LRP1B: variants seen among roughly 807,000 people sequenced by gnomAD.
LRP1B encodes LDL receptor related protein 1B.
In LRP1B, 217 loss-of-function variants were observed where a neutral mutation model predicts 556.6. The observed-to-expected ratio is 0.39, with a 90% CI of 0.35 to 0.44. The LOEUF (loss-of-function observed/expected upper bound fraction) is 0.44. LRP1B is among the 20% of genes least tolerant of loss of function. The pLI, the probability that LRP1B is intolerant of heterozygous loss-of-function variation, is 1.00. For missense variants in LRP1B, 5,053 were observed against 5,620.8 expected, an observed-to-expected ratio of 0.90 and a Z score of 3.23; for synonymous variants, 2,047 against 1,865.8, an observed-to-expected ratio of 1.10 and a Z score of -2.50.
At chr2:141,869,037 A>C (rs1329677858) in intron 1 of LRP1B, among the ~76,000 whole-genome samples, 1 of 152,130 alleles carries the variant, frequency 6.6e-6, no homozygotes, top group African/African-American at 2.4e-5. Flanking sequence ...GGAGGCAAGA[A>C]AATAAGAAAT....
chr2:141,974,297 T>A (rs528005929), intron 1 of LRP1B, among the ~76,000 whole-genome samples: 1 of 152,010 alleles, frequency 6.6e-6, no homozygotes, highest in Non-Finnish European at 1.5e-5. Context: ...ATTCCATGAC[T>A]GGCTGTAGCA....
chr2:140,915,779 A>T (rs1694557140), intron 21 of LRP1B, among the ~76,000 whole-genome samples: 1 of 152,098 alleles, frequency 6.6e-6, no homozygotes, highest in African/African-American at 2.4e-5. Context: ...TAGAGTAGGC[A>T]TACAACAAAA....
In LRP1B at chr2:141,674,269, T is replaced by C. The variant is rs989338993; in HGVS notation, c.205+136010A>G. ...AATTTGAATTGGTCTCTGATGTTTA[T>C]TGAATTTTTCTAAAGCATTAAATAT... On this transcript the variant is annotated intron_variant, in intron 2 of 90. Coordinates refer to ENST00000389484, the MANE Select transcript of LRP1B (RefSeq NM_018557.3). 1.4e-4 allele frequency among the ~76,000 whole-genome samples: 22 copies of C among 152,216 alleles called. 1 individual carries two copies. In the East Asian group the frequency reaches 2.9e-3, roughly 20 times the overall value.
rs369354711 is a variant in LRP1B at position 140,297,984 on chromosome 2, A to C, written c.12806-15T>G. On this transcript the variant is annotated splice_polypyrimidine_tract_variant and intron_variant, in intron 83 of 90. Transcript: ENST00000389484. ...GGTGGGTCTCCCTATTGGAAACAATAAGTAATAAAAAGCAAATTATTCAAC... is the reference window on the plus strand; with the variant it reads ...GGTGGGTCTCCCTATTGGAAACAATCAGTAATAAAAAGCAAATTATTCAAC... The C allele has an allele frequency of 5.8e-6, 9 of 1,563,806 alleles. No homozygotes were observed. Among genetic ancestry groups the C allele is most frequent in the Non-Finnish European group, 7.8e-6 (9 of 1,147,408 alleles).
rs113633278 is a variant in LRP1B, at chr2:141,394,742, A to T, written c.343+85654T>A. Among the ~76,000 whole-genome samples the T allele has an allele frequency of 6.7e-3, 1,023 of 152,258 alleles. 14 individuals carry two copies. Among genetic ancestry groups the T allele is most frequent in the African/African-American group, 0.023 (953 of 41,572 alleles). On this transcript the variant is annotated intron_variant, in intron 3 of 90. Transcript: ENST00000389484. Reference sequence around the variant, plus strand: ...ATTTTGAACTTTAAAAATAAAAAAAAATTCAGTTGGAACTTTAAAACTTAG... The same window carrying T: ...ATTTTGAACTTTAAAAATAAAAAAATATTCAGTTGGAACTTTAAAACTTAG...
intron 1 of LRP1B, among the ~76,000 whole-genome samples, chr2:141,853,396 C>G (rs564041432): frequency 6.6e-6 from 1 of 151,622 alleles, no homozygotes; most frequent in South Asian, 2.1e-4. Flanking sequence ...TCAATTGTGC[C>G]TATTCTATTT....
intron 5 of LRP1B, among the ~76,000 whole-genome samples, chr2:141,243,163 C>A (rs1683943902): frequency 6.8e-6 from 1 of 146,592 alleles, no homozygotes; most frequent in African/African-American, 2.5e-5. Context: ...TTTCATATGA[C>A]AAGTTCTAAC....
chr2:140,911,416 T>A (rs914209571), intron 21 of LRP1B, among the ~76,000 whole-genome samples: 4 of 151,760 alleles, frequency 2.6e-5, no homozygotes, highest in Non-Finnish European at 5.9e-5. Flanking sequence ...TCTTCTACCG[T>A]ATACTTCGGT....
At chr2:141,116,947 T>G (rs1387308202) in intron 7 of LRP1B, among the ~76,000 whole-genome samples, 1 of 152,144 alleles carries the variant, frequency 6.6e-6, no homozygotes, top group Non-Finnish European at 1.5e-5. Context: ...CCCTGACCAC[T>G]TGTATAACTT....
At chr2:141,889,375 C>A (rs1334119746) in intron 1 of LRP1B, among the ~76,000 whole-genome samples, 3 of 152,046 alleles carry the variant, frequency 2.0e-5, no homozygotes, top group Non-Finnish European at 4.4e-5. Flanking sequence ...AAATTATTTG[C>A]AAACTCATCA....
intron 2 of LRP1B, among the ~76,000 whole-genome samples, chr2:141,574,425 G>C (rs985672428): frequency 6.6e-6 from 1 of 151,986 alleles, no homozygotes; most frequent in Non-Finnish European, 1.5e-5. Flanking sequence ...TAATAAACTA[G>C]GTACTGATGG....
chr2:140,602,423 T>C (rs777092570), intron 41 of LRP1B, among the ~76,000 whole-genome samples: 1 of 152,104 alleles, frequency 6.6e-6, no homozygotes, highest in Non-Finnish European at 1.5e-5. Flanking sequence ...TCTTTAAGTA[T>C]AATCAAATTA....
At chr2:141,521,184 T>A (rs2105174031) in intron 2 of LRP1B, among the ~76,000 whole-genome samples, 1 of 152,282 alleles carries the variant, frequency 6.6e-6, no homozygotes, top group African/African-American at 2.4e-5. Context: ...AGTTTCAGGT[T>A]CTTGGGTCTG....
chr2:140,570,937 C>T (rs567204972), intron 43 of LRP1B, among the ~76,000 whole-genome samples: 42 of 151,800 alleles, frequency 2.8e-4, no homozygotes, highest in African/African-American at 9.9e-4. Flanking sequence ...TCTTAATAGA[C>T]ACAGAAAAAG....
intron 29 of LRP1B, among the ~76,000 whole-genome samples, chr2:140,846,052 T>C (rs1444701958): frequency 6.6e-6 from 1 of 151,952 alleles, no homozygotes; most frequent in Non-Finnish European, 1.5e-5. Context: ...ATAGATATTA[T>C]AATGAGGAAA....
intron 43 of LRP1B, among the ~76,000 whole-genome samples, chr2:140,574,183 T>C (rs1252951382): frequency 6.6e-6 from 1 of 152,150 alleles, no homozygotes; most frequent in East Asian, 1.9e-4. Flanking sequence ...AATGTTGTGC[T>C]CTGCTGTAAT....
At chr2:141,508,644 T>A (rs1430728384) in intron 2 of LRP1B, among the ~76,000 whole-genome samples, 1 of 9,414 alleles carries the variant, frequency 1.1e-4, no homozygotes, top group Admixed American at 2.3e-3. Context: ...TCCTGACACA[T>A]CTCTGTTTTT....
At chr2:141,552,788 T>A (rs898277132) in intron 2 of LRP1B, among the ~76,000 whole-genome samples, 2 of 151,968 alleles carry the variant, frequency 1.3e-5, no homozygotes, top group Non-Finnish European at 2.9e-5. Context: ...ATAAAAAAAA[T>A]TCTACTGGGA....
chr2:141,499,908 A>G (rs1181010373), intron 2 of LRP1B, among the ~76,000 whole-genome samples: 1 of 151,964 alleles, frequency 6.6e-6, no homozygotes, highest in Admixed American at 6.6e-5. Context: ...TTTAGAACAC[A>G]TTTAGAGTTG....
Sources: allele counts gnomAD v4.1 joint callset (sites outside exome capture counted in the v4.1 genomes callset), GRCh38; gene constraint gnomAD v4.1.1; transcripts MANE v1.5; gene names NCBI Gene and HGNC (gene_info 2026-07-23, HGNC 2026-07-21).